The following JRK variants were observed in gnomAD, a reference collection of about 807,000 sequenced individuals.
JRK encodes the protein Jrk helix-turn-helix protein.
For synonymous variants in JRK, 303 were observed against 218.1 expected (o/e 1.39, Z -3.43); for missense variants, 720 against 509.2 (o/e 1.41, Z -3.98).
At chr8:142,652,337 A>C in the JRK span, among the ~76,000 whole-genome samples, 4 of 152,214 alleles carry the variant, frequency 2.6e-5, no homozygotes, top group African/African-American at 7.2e-5. Flanking sequence ...CATGTGCCCA[A>C]GGTGGTCAGA....
At position 142,659,407 on chromosome 8, in the gene JRK, C is replaced by A; in HGVS notation, c.*4945G>T. 1 of 987,248 alleles carries A rather than the reference C, an allele frequency of 1.0e-6. No individual in the cohort carries two copies. The highest frequency in any genetic ancestry group is 1.2e-6 in the Non-Finnish European group (1 of 831,060). The allele number at this position is 987,248 out of a possible 1,614,324, so 61.2% of individuals were successfully genotyped here. On this transcript the variant is annotated 3_prime_UTR_variant, in exon 2 of 2. Coordinates refer to ENST00000612905, the MANE Select transcript of JRK (RefSeq NM_003724.4). ...CGATCCTCGCCTGTGTGGGACGGGGCTACCTGCAGACATAGAGGGCCTTTG... is the reference window on the plus strand; with the variant it reads ...CGATCCTCGCCTGTGTGGGACGGGGATACCTGCAGACATAGAGGGCCTTTG...
chr8:142,667,000 G>A (rs959562761), intron 1 of JRK, among the ~76,000 whole-genome samples: 1 of 152,136 alleles, frequency 6.6e-6, no homozygotes, highest in Admixed American at 6.5e-5. Flanking sequence ...GGGATGCAGG[G>A]AGGAGGAACT....
rs200789015 is a variant in JRK at position 142,665,758 on chromosome 8, G to A, written c.301C>T (p.Arg101Cys). 2.4e-4 allele frequency: 186 copies of A among 775,680 alleles called. No homozygotes were observed. Among genetic ancestry groups the A allele is most frequent in the Non-Finnish European group, 4.1e-4 (171 of 415,792 alleles). 48.0% of individuals were successfully genotyped at this position (775,680 alleles called of 1,614,324 possible). A position where few individuals can be genotyped will look rare whatever the true frequency, so the allele number is the denominator to read the frequency against. ...CCTGACACGGGGACGCCCTCGGAGCGCTTCCCCAGGAACCACTCGTACAGG... is the reference window on the plus strand; with the variant it reads ...CCTGACACGGGGACGCCCTCGGAGCACTTCCCCAGGAACCACTCGTACAGG... ...RVLYEWFLGK[R>C]SEGVPVSGPM... The change falls in exon 2 of 2, where the codon CGC becomes TGC. Residue 101 changes from arginine to cysteine, a missense_variant. Coordinates refer to ENST00000612905, the MANE Select transcript of JRK (RefSeq NM_003724.4).
rs4336593 is a variant in JRK, at chr8:142,658,233, T to C, written c.*6119A>G. On this transcript the variant is annotated 3_prime_UTR_variant, in exon 2 of 2. Transcript: ENST00000612905. ...CCTTACTGCCTGTCTCAGTCAGTTT[T>C]GATTGCGATAACAAAATACCACAGG... The C allele has an allele frequency of 6.6e-6, 1 of 152,274 alleles. No individual in the cohort carries two copies. The highest frequency in any genetic ancestry group is 1.9e-4 in the East Asian group (1 of 5,180). The allele number at this position is 152,274 out of a possible 1,614,324, so 9.4% of individuals were successfully genotyped here. A position where few individuals can be genotyped will look rare whatever the true frequency, so the allele number is the denominator to read the frequency against.
chr8:142,668,908 G>T (rs1847220547), intron 1 of JRK, among the ~76,000 whole-genome samples: 1 of 151,594 alleles, frequency 6.6e-6, no homozygotes, highest in Admixed American at 6.6e-5. Context: ...TCCCCAGTCA[G>T]CCCCTCACAA....
chr8:142,649,700 G>A, the JRK span, among the ~76,000 whole-genome samples: 6 of 152,376 alleles, frequency 3.9e-5, no homozygotes, highest in African/African-American at 1.4e-4. Context: ...CCTCCACCTA[G>A]GTTTCAGAGG....
Position 142,661,139 on chromosome 8 carries a change from G to A in JRK, c.*3213C>T, listed in dbSNP as rs2129712566. On this transcript the variant is annotated 3_prime_UTR_variant, in exon 2 of 2. Coordinates refer to ENST00000612905, the MANE Select transcript of JRK (RefSeq NM_003724.4). ...AGCATATGGAAGTCACGCACAGACA[G>A]GCCCAGGGCAAGGTCTGCTCTAGAC... 1.0e-6 allele frequency: 1 copy of A among 985,490 alleles called. No homozygotes were observed. The highest frequency in any genetic ancestry group is 4.7e-5 in the South Asian group (1 of 21,288). 61.0% of individuals were successfully genotyped at this position (985,490 alleles called of 1,614,324 possible).
chr8:142,669,160 C>T (rs1474395943), intron 1 of JRK, among the ~76,000 whole-genome samples: 1 of 128,472 alleles, frequency 7.8e-6, no homozygotes, highest in Non-Finnish European at 1.6e-5. Context: ...TTCGCAGGGG[C>T]ATAGTGTGTG....
At chr8:142,655,200 G>T (rs1172707797), downstream of JRK, among the ~76,000 whole-genome samples, 1 of 152,184 alleles carries the variant, frequency 6.6e-6, no homozygotes, top group Non-Finnish European at 1.5e-5. Flanking sequence ...GAGACCCTGG[G>T]GACCAGCACT....
rs1846858346 is a variant in JRK, at chr8:142,659,778, G to A, written c.*4574C>T. On this transcript the variant is annotated 3_prime_UTR_variant, in exon 2 of 2. Coordinates refer to ENST00000612905, the MANE Select transcript of JRK (RefSeq NM_003724.4). ...TGAACAGCAGGGAGTGAGCAGTGGAGAACGTGAGGCTGGTCATTAGGAGCA... is the reference window on the plus strand; with the variant it reads ...TGAACAGCAGGGAGTGAGCAGTGGAAAACGTGAGGCTGGTCATTAGGAGCA... 1 of 985,446 alleles carries A rather than the reference G, an allele frequency of 1.0e-6. No homozygotes were observed. Among genetic ancestry groups the A allele is most frequent in the South Asian group, 4.7e-5 (1 of 21,294 alleles). The allele number at this position is 985,446 out of a possible 1,614,324, so 61.0% of individuals were successfully genotyped here. A position where few individuals can be genotyped will look rare whatever the true frequency, so the allele number is the denominator to read the frequency against.
intron 1 of JRK, among the ~76,000 whole-genome samples, chr8:142,667,711 G>T (rs1554636460): frequency 6.6e-6 from 1 of 152,144 alleles, no homozygotes; most frequent in African/African-American, 2.4e-5. Flanking sequence ...TGACCAATAG[G>T]AAGAAAAATG....
In JRK at chr8:142,665,799, T is replaced by G; in HGVS notation, c.260A>C (p.Glu87Ala). Residue 87 changes from glutamate (E) to alanine (A), a missense_variant, in exon 2 of 2, where the codon GAG (glutamate) becomes GCG (alanine). By Grantham distance (107) the Glu-to-Ala change is moderately radical. Coordinates refer to ENST00000612905, the MANE Select transcript of JRK (RefSeq NM_003724.4). The part of the protein sequence containing the change: ...QRRTLHTPKL[E>A]HLDRVLYEWF... Reference sequence around the variant, plus strand: ...CTCGTACAGGACGCGGTCCAGGTGCTCCAGCTTGGGCGTGTGCAGCGTGCG... The same window carrying G: ...CTCGTACAGGACGCGGTCCAGGTGCGCCAGCTTGGGCGTGTGCAGCGTGCG... The G allele has an allele frequency of 1.3e-6, 1 of 778,710 alleles. No individual in the cohort carries two copies. Among genetic ancestry groups the G allele is most frequent in the Non-Finnish European group, 2.4e-6 (1 of 417,438 alleles). 48.2% of individuals were successfully genotyped at this position (778,710 alleles called of 1,614,324 possible).
rs1324803114 is a variant in JRK at position 142,660,175 on chromosome 8, C to A, written c.*4177G>T. ...CCAGCCTCCCAGTAGGCAGCTGAGT[C>A]CAACGCAGTGCCCGAGAGCTCAGCC... is the stretch of plus-strand genomic sequence containing the variant. On this transcript the variant is annotated 3_prime_UTR_variant, in exon 2 of 2. Coordinates refer to ENST00000612905, the MANE Select transcript of JRK (RefSeq NM_003724.4). 1 of 985,620 alleles carries A rather than the reference C, an allele frequency of 1.0e-6. No homozygotes were observed. The highest frequency in any genetic ancestry group is 1.2e-6 in the Non-Finnish European group (1 of 830,064). The allele number at this position is 985,620 out of a possible 1,614,324, so 61.1% of individuals were successfully genotyped here. A position where few individuals can be genotyped will look rare whatever the true frequency, so the allele number is the denominator to read the frequency against.
downstream of JRK, among the ~76,000 whole-genome samples, chr8:142,652,556 T>C (rs930131771): frequency 2.3e-5 from 3 of 130,628 alleles, no homozygotes; most frequent in Non-Finnish European, 3.4e-5. Flanking sequence ...TTTATCTCAA[T>C]GAGCAGAGGG....
Position 142,664,274 on chromosome 8 carries a change from G to T in JRK, c.*78C>A, listed in dbSNP as rs2129747548. The stretch of plus-strand genomic sequence containing the variant: ...TGCACATGCCCTCCTGCCTCAGGTG[G>T]GGTCGGGGCACAGGACCATGCCACT... On this transcript the variant is annotated 3_prime_UTR_variant, in exon 2 of 2. Coordinates refer to ENST00000612905, the MANE Select transcript of JRK (RefSeq NM_003724.4). The T allele has an allele frequency of 2.1e-6, 3 of 1,461,076 alleles. No homozygotes were observed. In the East Asian group the frequency reaches 7.3e-5, roughly 36 times the overall value. The allele number at this position is 1,461,076 out of a possible 1,614,324, so 90.5% of individuals were successfully genotyped here. A position where few individuals can be genotyped will look rare whatever the true frequency, so the allele number is the denominator to read the frequency against.
In JRK at chr8:142,662,305, C is replaced by A; in HGVS notation, c.*2047G>T. The A allele has an allele frequency of 1.0e-6, 1 of 985,734 alleles. No homozygotes were observed. The highest frequency in any genetic ancestry group is 1.2e-6 in the Non-Finnish European group (1 of 830,172). The allele number at this position is 985,734 out of a possible 1,614,324, so 61.1% of individuals were successfully genotyped here. On this transcript the variant is annotated 3_prime_UTR_variant, in exon 2 of 2. Coordinates refer to ENST00000612905, the MANE Select transcript of JRK (RefSeq NM_003724.4). Reference sequence around the variant, plus strand: ...GCCAGGAGCTCGGCCAGCTGGCCTGCCCATGCCCTCCCCAGCTCCACCCAC... The same window carrying A: ...GCCAGGAGCTCGGCCAGCTGGCCTGACCATGCCCTCCCCAGCTCCACCCAC...
chr8:142,666,577 G>T, intron 1 of JRK, 57 bp from the exon 2 acceptor site: 1 of 220,852 alleles, frequency 4.5e-6, no homozygotes. Flanking sequence ...GACACACATG[G>T]CGTCCTCACG....
At position 142,661,356 on chromosome 8, in the gene JRK, G is replaced by C. The variant is rs587617093; in HGVS notation, c.*2996C>G. On this transcript the variant is annotated 3_prime_UTR_variant, in exon 2 of 2. Transcript: ENST00000612905. Reference sequence around the variant, plus strand: ...AAGTATGGCCTCTCCTGGGCATCCCGAGGGATGGGAGCTCCCAGAGTGGAG... The same window carrying C: ...AAGTATGGCCTCTCCTGGGCATCCCCAGGGATGGGAGCTCCCAGAGTGGAG... 967 of 985,480 alleles carry C rather than the reference G, an allele frequency of 9.8e-4. No individual in the cohort carries two copies. The highest frequency in any genetic ancestry group is 1.0e-3 in the Non-Finnish European group (863 of 829,948). The allele number at this position is 985,480 out of a possible 1,614,324, so 61.0% of individuals were successfully genotyped here.
Position 142,662,083 on chromosome 8 carries a change from G to T in JRK, c.*2269C>A. The T allele has an allele frequency of 2.0e-6, 2 of 985,616 alleles. No individual in the cohort carries two copies. The highest frequency in any genetic ancestry group is 2.4e-6 in the Non-Finnish European group (2 of 830,058). The allele number at this position is 985,616 out of a possible 1,614,324, so 61.1% of individuals were successfully genotyped here. A position where few individuals can be genotyped will look rare whatever the true frequency, so the allele number is the denominator to read the frequency against. On this transcript the variant is annotated 3_prime_UTR_variant, in exon 2 of 2. Transcript: ENST00000612905. ...ATTCCAGCCACAAGGGCTGCACCTAGAGTCAGGCTCCAGGCCTTGCTGCAG... is the reference window on the plus strand; with the variant it reads ...ATTCCAGCCACAAGGGCTGCACCTATAGTCAGGCTCCAGGCCTTGCTGCAG...
Sources: gnomAD v4.1 joint callset for allele counts (sites outside exome capture counted in the v4.1 genomes callset) on GRCh38, gnomAD v4.1.1 for gene constraint, MANE v1.5 for transcripts, NCBI Gene and HGNC (gene_info 2026-07-23, HGNC 2026-07-21) for gene names.